CD82: variants seen among roughly 807,000 people sequenced by gnomAD.
CD82 encodes CD82 molecule.
CD82 carries 36 observed loss-of-function variants against 37.4 expected under a neutral mutation model. The observed-to-expected ratio is 0.96, with a 90% confidence interval of 0.74 to 1.27. The LOEUF is 1.27. Among genes scored for constraint, CD82 ranks in the 50% most tolerant of loss-of-function variants. The pLI is 0.00. For missense variants in CD82, 340 were observed against 347.0 expected (o/e 0.98, Z 0.16); for synonymous variants, 158 against 137.4 (o/e 1.15, Z -1.05).
At chr11:44,585,448 G>GTGTGGAAGA (rs1853039585) in intron 1 of CD82, among the ~76,000 whole-genome samples, 2 of 152,340 alleles carry the variant, frequency 1.3e-5, no homozygotes, top group East Asian at 3.9e-4. Flanking sequence ...TGCTGGCAAG[G>GTGTGGAAGA]TGTGGCAGAT....
In CD82 at chr11:44,619,738, T is replaced by TG. The variant is rs1853633787; in HGVS notation, c.*617dup. ...GAGATCGTGCTACTGCACTCCAGCC[T>TG]GGGGGACAGAAAGAGACTCCGTCTC... On this transcript the variant is annotated 3_prime_UTR_variant, in exon 10 of 10. Transcript: ENST00000227155. The TG allele has an allele frequency of 9.1e-6, 1 of 110,358 alleles. No individual in the cohort carries two copies. The highest frequency in any genetic ancestry group is 1.7e-5 in the Non-Finnish European group (1 of 59,612). 6.8% of individuals were successfully genotyped at this position (110,358 alleles called of 1,614,324 possible). A position where few individuals can be genotyped will look rare whatever the true frequency, so the allele number is the denominator to read the frequency against.
At chr11:44,586,305 G>A (rs1853053876) in intron 1 of CD82, among the ~76,000 whole-genome samples, 1 of 151,868 alleles carries the variant, frequency 6.6e-6, no homozygotes, top group African/African-American at 2.4e-5. Flanking sequence ...AAAAACCTTG[G>A]CCCTCAGGTA....
rs1196537349 is a variant in CD82 at position 44,620,104 on chromosome 11, G to C, written c.*978G>C. On this transcript the variant is annotated 3_prime_UTR_variant, in exon 10 of 10. Transcript: ENST00000227155. ...CTTGGCCCTGAGCTGCTTAGGGACA[G>C]GTGAGTCCTTGGGGGCATGGCACAG... The C allele has an allele frequency of 6.6e-6, 1 of 152,616 alleles. No homozygotes were observed. The highest frequency in any genetic ancestry group is 1.5e-5 in the Non-Finnish European group (1 of 68,462). 9.5% of individuals were successfully genotyped at this position (152,616 alleles called of 1,614,324 possible).
At chr11:44,593,571 G>A (rs1163246601) in intron 2 of CD82, among the ~76,000 whole-genome samples, 1 of 152,240 alleles carries the variant, frequency 6.6e-6, no homozygotes, top group African/African-American at 2.4e-5. Context: ...GGAGTGGAGG[G>A]GGCACAGCAT....
At chr11:44,570,943 C>T (rs186049293) in intron 1 of CD82, among the ~76,000 whole-genome samples, 30 of 152,300 alleles carry the variant, frequency 2.0e-4, no homozygotes, top group African/African-American at 6.7e-4. Flanking sequence ...ATGCAGACCC[C>T]CAGGTGGGCA....
At chr11:44,616,424 G>A (rs140027423) in intron 7 of CD82, among the ~76,000 whole-genome samples, 7 of 152,312 alleles carry the variant, frequency 4.6e-5, no homozygotes, top group Non-Finnish European at 1.0e-4. Flanking sequence ...GATGTCACCA[G>A]TGACATAAAC....
chr11:44,565,206 C>G (rs1375964992), upstream of CD82, among the ~76,000 whole-genome samples: 1 of 151,806 alleles, frequency 6.6e-6, no homozygotes, highest in African/African-American at 2.4e-5. Flanking sequence ...CAGGCTGGTG[C>G]GGGGAGGGGC....
intron 1 of CD82, among the ~76,000 whole-genome samples, chr11:44,572,256 C>T (rs1344709): frequency 0.56 from 85,530 of 152,046 alleles, 24,834 homozygotes; most frequent in African/African-American, 0.65. Flanking sequence ...GGCCAAAATA[C>T]AGGCAACTAC....
At chr11:44,578,646 C>A (rs772366027) in intron 1 of CD82, among the ~76,000 whole-genome samples, 3 of 152,204 alleles carry the variant, frequency 2.0e-5, no homozygotes, top group Non-Finnish European at 4.4e-5. Flanking sequence ...GACTCACTAT[C>A]CTCTCTGCCT....
At chr11:44,590,664 A>G (rs1055404090) in intron 2 of CD82, among the ~76,000 whole-genome samples, 1 of 150,962 alleles carries the variant, frequency 6.6e-6, no homozygotes. Context: ...AAGCTGTATA[A>G]AAAACAGGCA....
In CD82 at chr11:44,605,114, G is replaced by T; in HGVS notation, c.193G>T (p.Val65Phe). 6.2e-7 allele frequency: 1 copy of T among 1,614,218 alleles called. No individual in the cohort carries two copies. Among genetic ancestry groups the T allele is most frequent in the Non-Finnish European group, 8.5e-7 (1 of 1,180,044 alleles). ...CTATGTCTTCATCGGCGTGGGGGCA[G>T]TCACTATGCTCATGGGCTTCCTGGG... is the stretch of plus-strand genomic sequence containing the variant. ...GAYVFIGVGA[V>F]TMLMGFLGCI... The change falls in exon 5 of 10, where the codon GTC becomes TTC. Residue 65 changes from valine to phenylalanine, a missense_variant. By Grantham distance (50) the Val-to-Phe change is conservative. Transcript: ENST00000227155.
chr11:44,612,379 T>A (rs1461664556), intron 6 of CD82, among the ~76,000 whole-genome samples: 1 of 152,176 alleles, frequency 6.6e-6, no homozygotes, highest in Non-Finnish European at 1.5e-5. Context: ...ACCTAGGCCA[T>A]AGGTCTGCTG....
intron 1 of CD82, among the ~76,000 whole-genome samples, chr11:44,581,383 C>G (rs987815453): frequency 1.3e-5 from 2 of 152,214 alleles, no homozygotes; most frequent in Admixed American, 6.5e-5. Context: ...CTCATAGGAT[C>G]ATTGCAGGGA....
At chr11:44,591,901 C>A (rs1054489398) in intron 2 of CD82, among the ~76,000 whole-genome samples, 14 of 152,110 alleles carry the variant, frequency 9.2e-5, no homozygotes, top group African/African-American at 3.4e-4. Context: ...CTCACTGCAA[C>A]CTCCACCTCC....
In CD82 at chr11:44,602,700, G is replaced by T. The variant is rs778424396; in HGVS notation, c.137-2358G>T. On this transcript the variant is annotated intron_variant, in intron 4 of 9. Coordinates refer to ENST00000227155, the MANE Select transcript of CD82 (RefSeq NM_002231.4). ...AAAAAAATTTTTTTTTCCATGCCCT[G>T]TGGATGGCCTACCCCAGAGCATACC... Among the ~76,000 whole-genome samples, 3 of 152,094 alleles carry T rather than the reference G, an allele frequency of 2.0e-5. No homozygotes were observed. The East Asian group carries it at 5.8e-4, about 29-fold the overall frequency.
At position 44,619,155 on chromosome 11, in the gene CD82, G is replaced by A; in HGVS notation, c.*29G>A. 4.4e-6 allele frequency: 7 copies of A among 1,582,182 alleles called. No homozygotes were observed. Among genetic ancestry groups the A allele is most frequent in the Non-Finnish European group, 6.1e-6 (7 of 1,151,092 alleles). On this transcript the variant is annotated 3_prime_UTR_variant, in exon 10 of 10. Transcript: ENST00000227155. ...AGCTGCTATCCCCATCTCCCTGCCT[G>A]GCCCCCAACCTCAGGGCTCCCAGGG...
chr11:44,586,523 G>T (rs748271116), intron 1 of CD82, among the ~76,000 whole-genome samples: 3 of 152,156 alleles, frequency 2.0e-5, no homozygotes, highest in Non-Finnish European at 2.9e-5. Flanking sequence ...AGGCATCGTG[G>T]CGTGTACCTG....
upstream of CD82, chr11:44,564,415 C>T (rs141281685): frequency 5.0e-4 from 227 of 455,102 alleles, 1 homozygote; most frequent in East Asian, 0.015. Context: ...TACCCTCCCA[C>T]AACGGTGTGT....
rs1296692638 is a variant in CD82 at position 44,593,979 on chromosome 11, T to C, written c.-20-664T>C. On this transcript the variant is annotated intron_variant, in intron 2 of 9. Transcript: ENST00000227155. The stretch of plus-strand genomic sequence containing the variant: ...TATACAGAATGAGCCCAATTTTGAT[T>C]AGAACCATTTGTTATACACACACAC... Among the ~76,000 whole-genome samples, 7 of 111,110 alleles carry C rather than the reference T, an allele frequency of 6.3e-5. No individual in the cohort carries two copies. In the Admixed American group the frequency reaches 7.1e-4, roughly 11 times the overall value. 72.9% of individuals were successfully genotyped at this position (111,110 alleles called of 152,430 possible). A position where few individuals can be genotyped will look rare whatever the true frequency, so the allele number is the denominator to read the frequency against.
Sources: gnomAD v4.1 joint callset for allele counts (sites outside exome capture counted in the v4.1 genomes callset) on GRCh38, gnomAD v4.1.1 for gene constraint, MANE v1.5 for transcripts, NCBI Gene and HGNC (gene_info 2026-07-23, HGNC 2026-07-21) for gene names.